The following IGFN1 variants were observed in gnomAD, a reference collection of about 807,000 sequenced individuals.
IGFN1 encodes immunoglobulin like and fibronectin type III domain containing 1.
In IGFN1, 253 loss-of-function variants were observed where a neutral mutation model predicts 289.5. The ratio of observed to expected loss-of-function variants is 0.87; its 90% CI spans 0.79 to 0.97. The LOEUF (loss-of-function observed/expected upper bound fraction) is 0.97, where lower values mean the gene tolerates loss of function less well. Among genes scored for constraint, IGFN1 ranks in the 50% least tolerant of loss-of-function variants. IGFN1 has a pLI of 0.00. For missense variants in IGFN1, 4,470 were observed against 4,686.1 expected (o/e 0.95, Z 1.35); for synonymous variants, 1,706 against 1,788.5 (o/e 0.95, Z 1.16).
rs921285276 is a variant in IGFN1 at position 201,211,097 on chromosome 1, A to C, written c.6204A>C (p.Ala2068=). 2 of 1,507,230 alleles carry C rather than the reference A, an allele frequency of 1.3e-6. No homozygotes were observed. The highest frequency in any genetic ancestry group is 2.8e-5 in the African/African-American group (2 of 70,884). 93.4% of individuals were successfully genotyped at this position (1,507,230 alleles called of 1,614,324 possible). ...TAGAAATGGGGTCAGTGAATGAGGC[A>C]GGTTATAGGAAGGATTTAGGGGCTC... The part of the protein sequence containing the change: ...SSVEMGSVNE[A]GYRKDLGAPK... Residue 2068 remains alanine, a synonymous_variant, in exon 12 of 24, where the codon GCA becomes GCC. Transcript: ENST00000335211.
intron 19 of IGFN1, 142 bp downstream of exon 19, chr1:201,221,888 T>C (rs1362327339): frequency 1.5e-5 from 10 of 651,938 alleles, no homozygotes; most frequent in Non-Finnish European, 2.6e-5. Flanking sequence ...ACCTACTAGG[T>C]GCTAGGTACT....
intron 22 of IGFN1, 135 bp downstream of exon 22, chr1:201,226,258 C>G: frequency 1.9e-6 from 2 of 1,033,910 alleles, no homozygotes; most frequent in South Asian, 3.8e-5. Flanking sequence ...CAAATAACAG[C>G]CAGCAGCCCC....
intron 22 of IGFN1, among the ~76,000 whole-genome samples, 153 bp downstream of exon 22, chr1:201,226,276 T>C (rs186903641): frequency 7.9e-5 from 12 of 152,234 alleles, no homozygotes; most frequent in Admixed American, 7.8e-4. Context: ...CCCGAGCTGC[T>C]GCTCCTCCCG....
chr1:201,194,951 T>C (rs1051274008), intron 3 of IGFN1, among the ~76,000 whole-genome samples: 1 of 152,192 alleles, frequency 6.6e-6, no homozygotes, highest in African/African-American at 2.4e-5. Flanking sequence ...ACTGAGATGT[T>C]CCTGGTGGGA....
chr1:201,222,432 A>C, intron 19 of IGFN1: 1 of 275,694 alleles, frequency 3.6e-6, no homozygotes, highest in Non-Finnish European at 6.8e-6. Flanking sequence ...TCATCTGCAA[A>C]ACATAAGCGC....
chr1:201,220,516 C>A (rs1653662209), intron 18 of IGFN1, among the ~76,000 whole-genome samples: 1 of 152,202 alleles, frequency 6.6e-6, no homozygotes, highest in South Asian at 2.1e-4. Flanking sequence ...GAAGTAGAGA[C>A]AATAGATAGG....
intron 18 of IGFN1, among the ~76,000 whole-genome samples, chr1:201,220,049 C>T (rs1558157990): frequency 1.1e-5 from 1 of 93,612 alleles, no homozygotes; most frequent in Non-Finnish European, 2.1e-5. Flanking sequence ...TTCTTTCTTT[C>T]TCTTTCTGTT....
rs144061396 is a variant in IGFN1, at chr1:201,216,481, T to C, written c.9323T>C (p.Met3108Thr). The C allele has an allele frequency of 1.0e-4, 161 of 1,593,150 alleles. No homozygotes were observed. In the African/African-American group the frequency reaches 1.5e-3, roughly 15 times the overall value. The change falls in exon 16 of 24, where the codon ATG becomes ACG. Residue 3108 changes from methionine to threonine, a missense_variant. Physicochemically the swap from Met to Thr is moderately conservative, Grantham distance 81. Around this residue, in one of 8 missense-constraint regions of IGFN1, gnomAD observed 2,218 missense variants for 2,114.1 expected, o/e 1.05. Transcript: ENST00000335211. ...IDKPDPPQGP[M>T]EVQDCHRAGV... The stretch of plus-strand genomic sequence containing the variant: ...AAGCCTGATCCCCCACAAGGCCCCA[T>C]GGAGGTTCAGGATTGCCATAGGGCT...
rs79154872 is a variant in IGFN1, at chr1:201,195,054, G to A, written c.127+781G>A. On this transcript the variant is annotated intron_variant, in intron 3 of 23. Coordinates refer to ENST00000335211, the MANE Select transcript of IGFN1 (RefSeq NM_001164586.2). ...TTCTGAGGCTGAAGCCTGTGTCTCA[G>A]CACCGGATCCTTCGGGCACCAAATA... 1.5e-3 allele frequency among the ~76,000 whole-genome samples: 222 copies of A among 152,200 alleles called. 3 individuals are homozygous for A. The East Asian group carries it at 0.04, about 28-fold the overall frequency.
At chr1:201,204,430 G>T (rs1667306962) in intron 10 of IGFN1, among the ~76,000 whole-genome samples, 1 of 152,182 alleles carries the variant, frequency 6.6e-6, no homozygotes, top group African/African-American at 2.4e-5. Flanking sequence ...CAGAGCACCT[G>T]CCAGCTCAAG....
intron 21 of IGFN1, among the ~76,000 whole-genome samples, chr1:201,225,450 G>A (rs750418084): frequency 1.3e-5 from 2 of 152,092 alleles, no homozygotes; most frequent in Non-Finnish European, 2.9e-5. Flanking sequence ...AAAATTAGCC[G>A]AGCGTGGTGG....
In IGFN1 at chr1:201,227,448, A is replaced by G. The variant is rs1330097224; in HGVS notation, c.11113+240A>G. Among the ~76,000 whole-genome samples, 18 of 148,948 alleles carry G rather than the reference A, an allele frequency of 1.2e-4. 1 individual carries two copies. The highest frequency in any genetic ancestry group is 4.4e-5 in the Non-Finnish European group (3 of 67,468). ...TATTTTTAGTTTTTTTTTTTTTGAG[A>G]CGGAGTTTCGCTCTTGTTGCCCAGG... On this transcript the variant is annotated intron_variant, in intron 23 of 23. Transcript: ENST00000335211.
Position 201,216,613 on chromosome 1 carries a change from G to A in IGFN1, c.9455G>A (p.Gly3152Asp), listed in dbSNP as rs757459118. Reference sequence around the variant, plus strand: ...GGCAGGAGCACTTGGCTGAAGGTGGGCGAGGCCCCCGCTGACAGCACCACC... The same window carrying A: ...GGCAGGAGCACTTGGCTGAAGGTGGACGAGGCCCCCGCTGACAGCACCACC... ...QAGRSTWLKV[G>D]EAPADSTTFT... Residue 3152 changes from glycine to aspartate, a missense_variant, in exon 16 of 24, where the codon GGC becomes GAC. By Grantham distance (94) the Gly-to-Asp change is moderately conservative. Transcript: ENST00000335211. 42 of 1,613,732 alleles carry A rather than the reference G, an allele frequency of 2.6e-5. 1 individual carries two copies. In the South Asian group the frequency reaches 2.9e-4, roughly 11 times the overall value.
intron 3 of IGFN1, 32 bp downstream of exon 3, chr1:201,194,305 C>A (rs758717766): frequency 6.5e-7 from 1 of 1,549,106 alleles, no homozygotes; most frequent in South Asian, 1.2e-5. Flanking sequence ...GGAGGGGAGG[C>A]AAGATTCTTG....
At position 201,206,446 on chromosome 1, in the gene IGFN1, T is replaced by G; in HGVS notation, c.1553T>G (p.Leu518Arg). ...AGAGAGGGAGGCTGGGCCAGAAGCC[T>G]TGCAGAGAGGCCCCATCTACAGGGA... Reference protein sequence around the residue: ...SHREGGWARSLAERPHLQGES... With the variant: ...SHREGGWARSRAERPHLQGES... Residue 518 changes from leucine (L) to arginine (R), a missense_variant, in exon 12 of 24, where the codon CTT (leucine) becomes CGT (arginine). By Grantham distance (102) the Leu-to-Arg change is moderately radical. This residue lies in a region of IGFN1 where 2,011 missense variants were observed against 1,953.4 expected (regional missense o/e 1.03). Coordinates refer to ENST00000335211, the MANE Select transcript of IGFN1 (RefSeq NM_001164586.2). 1 of 1,551,110 alleles carries G rather than the reference T, an allele frequency of 6.4e-7. No homozygotes were observed. Among genetic ancestry groups the G allele is most frequent in the Non-Finnish European group, 8.7e-7 (1 of 1,146,946 alleles).
intron 21 of IGFN1, 31 bp from the exon 22 acceptor site, chr1:201,225,793 A>T (rs1047069325): frequency 6.3e-7 from 1 of 1,583,024 alleles, no homozygotes; most frequent in Admixed American, 1.8e-5. Context: ...GGTCCCCTCC[A>T]CGTGACCTCC....
chr1:201,216,808 G>A lies in IGFN1; in HGVS notation c.9595+55G>A. 2.1e-6 allele frequency: 3 copies of A among 1,447,498 alleles called. No homozygotes were observed. In the East Asian group the frequency reaches 6.9e-5, roughly 33 times the overall value. The allele number at this position is 1,447,498 out of a possible 1,614,324, so 89.7% of individuals were successfully genotyped here. A position where few individuals can be genotyped will look rare whatever the true frequency, so the allele number is the denominator to read the frequency against. On this transcript the variant is annotated intron_variant, in intron 16 of 23. Coordinates refer to ENST00000335211, the MANE Select transcript of IGFN1 (RefSeq NM_001164586.2). Reference sequence around the variant, plus strand: ...GGGACACTCCTGGGCTCCCCACTGTGCCGAGGAGGGCAGGCTGTCCCAGAG... The same window carrying A: ...GGGACACTCCTGGGCTCCCCACTGTACCGAGGAGGGCAGGCTGTCCCAGAG...
Position 201,199,342 on chromosome 1 carries a change from C to T in IGFN1, c.376C>T (p.Arg126Trp), listed in dbSNP as rs868078812. 19 of 1,552,010 alleles carry T rather than the reference C, an allele frequency of 1.2e-5. No homozygotes were observed. The highest frequency in any genetic ancestry group is 6.8e-5 in the African/African-American group (5 of 73,142). Residue 126 changes from arginine to tryptophan, a missense_variant, in exon 6 of 24, where the codon CGG (arginine) becomes TGG (tryptophan). Physicochemically the swap from Arg to Trp is moderately radical, Grantham distance 101. Coordinates refer to ENST00000335211, the MANE Select transcript of IGFN1 (RefSeq NM_001164586.2). ...CTCCCTGGATGTTGCAGTTGGCTTT[C>T]GGAAGAATCGGAAGAGGCACAGGGA... Reference protein sequence around the residue: ...VRLTVIEVGFRKNRKRHREPQ... With the variant: ...VRLTVIEVGFWKNRKRHREPQ...
chr1:201,207,158 G>A lies in IGFN1; in HGVS notation c.2265G>A (p.Glu755=), dbSNP rs1157260998. 1.3e-6 allele frequency: 2 copies of A among 1,536,898 alleles called. No individual in the cohort carries two copies. The highest frequency in any genetic ancestry group is 4.9e-5 in the East Asian group (2 of 40,936). The part of the protein sequence containing the change: ...PEIKAEDSLQ[E]ADGICRGESV... ...TCAAAGCTGAAGACTCACTGCAGGA[G>A]GCAGATGGTATATGCCGGGGGGAGT... Residue 755 remains glutamate (E), a synonymous_variant, in exon 12 of 24, where the codon GAG becomes GAA. Transcript: ENST00000335211.
Sources: gnomAD v4.1 joint callset for allele counts (sites outside exome capture counted in the v4.1 genomes callset) on GRCh38, gnomAD v4.1.1 for gene constraint, gnomAD v4.1.1 regional missense constraint, MANE v1.5 for transcripts, NCBI Gene and HGNC (gene_info 2026-07-23, HGNC 2026-07-21) for gene names.